EIF4G3: variants seen among roughly 807,000 people sequenced by gnomAD.
EIF4G3 encodes eukaryotic translation initiation factor 4 gamma 3, also known as eIF-4-gamma 3.
EIF4G3 carries 34 observed loss-of-function variants against 186.4 expected under a neutral mutation model. That is an observed-to-expected ratio of 0.18 (90% CI 0.14 to 0.24). EIF4G3 has a LOEUF of 0.24. Ranked by LOEUF, EIF4G3 falls within the 10% of genes least tolerant of loss-of-function variation. The pLI, the probability that EIF4G3 is intolerant of heterozygous loss-of-function variation, is 1.00. For missense variants in EIF4G3, 1,536 were observed against 1,948.5 expected, an observed-to-expected ratio of 0.79 and a Z score of 3.99; for synonymous variants, 673 against 679.5, an observed-to-expected ratio of 0.99 and a Z score of 0.15.
chr1:21,010,008 A>G (rs1346036754), intron 4 of EIF4G3, among the ~76,000 whole-genome samples: 1 of 152,176 alleles, frequency 6.6e-6, no homozygotes, highest in African/African-American at 2.4e-5. Flanking sequence ...TTCTGGGATA[A>G]TTATAAATGT....
intron 35 of EIF4G3, among the ~76,000 whole-genome samples, chr1:20,811,390 G>A (rs1416819688): frequency 6.6e-6 from 1 of 152,186 alleles, no homozygotes; most frequent in Non-Finnish European, 1.5e-5. Flanking sequence ...TGGGATTACA[G>A]GCATGAGCCA....
chr1:21,017,825 ACT>A (rs1557535232), intron 4 of EIF4G3, among the ~76,000 whole-genome samples: 1 of 151,632 alleles, frequency 6.6e-6, no homozygotes, highest in African/African-American at 2.4e-5. Context: ...GAAATCCAAA[ACT>A]CTTCTGGTCC....
intron 4 of EIF4G3, among the ~76,000 whole-genome samples, chr1:21,010,356 G>C (rs2086630174): frequency 6.7e-6 from 1 of 148,204 alleles, no homozygotes; most frequent in Admixed American, 7.0e-5. Flanking sequence ...GGAGGCGAAG[G>C]TTGCAGTAAG....
chr1:20,905,328 A>G (rs903526742), intron 14 of EIF4G3, among the ~76,000 whole-genome samples: 8 of 152,228 alleles, frequency 5.3e-5, no homozygotes, highest in African/African-American at 1.9e-4. Context: ...AACTTAAGCA[A>G]GTCACAGGTC....
intron 33 of EIF4G3, among the ~76,000 whole-genome samples, chr1:20,820,085 T>A (rs1467223345): frequency 6.6e-6 from 1 of 151,756 alleles, no homozygotes; most frequent in African/African-American, 2.4e-5. Flanking sequence ...ACCCAAACCA[T>A]AGCTGCGGAC....
chr1:20,894,967 C>T (rs942354840), intron 17 of EIF4G3, among the ~76,000 whole-genome samples: 2 of 152,082 alleles, frequency 1.3e-5, no homozygotes, highest in South Asian at 2.1e-4. Flanking sequence ...GTTTGATCTG[C>T]CAAATACCTT....
chr1:21,018,974 C>A (rs994023248), intron 4 of EIF4G3, among the ~76,000 whole-genome samples: 2 of 151,428 alleles, frequency 1.3e-5, no homozygotes, highest in Admixed American at 6.6e-5. Flanking sequence ...TCCTTTATAG[C>A]AAATGATCTC....
chr1:21,024,900 T>TAA (rs1421695930), intron 4 of EIF4G3, among the ~76,000 whole-genome samples: 1,358 of 111,510 alleles, frequency 0.012, 15 homozygotes, highest in Admixed American at 0.038. Context: ...AAAAATAAAT[T>TAA]TAAAAAAAAA....
At chr1:20,921,514 C>T (rs1042648301) in intron 14 of EIF4G3, among the ~76,000 whole-genome samples, 1 of 152,132 alleles carries the variant, frequency 6.6e-6, no homozygotes, top group African/African-American at 2.4e-5. Flanking sequence ...ATTTTAAGGT[C>T]ATGGATTATG....
chr1:20,968,882 A>C (rs1462827830), intron 12 of EIF4G3, among the ~76,000 whole-genome samples: 5 of 152,184 alleles, frequency 3.3e-5, no homozygotes. Context: ...AACAACCACG[A>C]ATTTTGGTAC....
rs543510915 is a variant in EIF4G3, at chr1:20,999,624, CAT to C, written c.144+1573_144+1574del. 298 of 391,440 alleles carry C rather than the reference CAT, an allele frequency of 7.6e-4. 1 individual carries two copies. The highest frequency in any genetic ancestry group is 5.1e-3 in the African/African-American group (238 of 46,862). The allele number at this position is 391,440 out of a possible 1,614,324, so 24.2% of individuals were successfully genotyped here. On this transcript the variant is annotated intron_variant, in intron 6 of 36. Coordinates refer to ENST00000602326, the MANE Select transcript of EIF4G3 (RefSeq NM_001391906.1). ...ACAAGAAGAGTATCTTATAAAATTA[CAT>C]ATATATAAAAACAAAAGCGAAAAAG...
chr1:20,874,459 C>T (rs899472734), intron 20 of EIF4G3, among the ~76,000 whole-genome samples: 11 of 152,154 alleles, frequency 7.2e-5, no homozygotes, highest in Middle Eastern at 3.4e-3. Flanking sequence ...TTGTTGGCCG[C>T]GTAAATGTCT....
chr1:21,053,243 A>T (rs1285268362), intron 3 of EIF4G3, among the ~76,000 whole-genome samples: 1 of 148,532 alleles, frequency 6.7e-6, no homozygotes, highest in Admixed American at 6.7e-5. Context: ...CCGTCTGAGA[A>T]GTGAGGAGAC....
At chr1:20,929,873 C>T (rs537463067) in intron 14 of EIF4G3, among the ~76,000 whole-genome samples, 1 of 152,196 alleles carries the variant, frequency 6.6e-6, no homozygotes, top group South Asian at 2.1e-4. Context: ...TAATCAAATA[C>T]ATGAAAAACT....
chr1:21,079,980 G>A (rs542069192), intron 3 of EIF4G3, among the ~76,000 whole-genome samples: 4 of 151,776 alleles, frequency 2.6e-5, no homozygotes, highest in South Asian at 2.1e-4. Context: ...GGTGAACCCC[G>A]TCACTACCAA....
intron 30 of EIF4G3, among the ~76,000 whole-genome samples, chr1:20,836,197 A>G (rs1391619289): frequency 1.3e-5 from 2 of 151,688 alleles, no homozygotes; most frequent in Non-Finnish European, 2.9e-5. Flanking sequence ...TGCCCAGGCT[A>G]GTCTCAAACT....
chr1:20,878,534 C>T (rs534153887), intron 20 of EIF4G3, among the ~76,000 whole-genome samples: 312 of 152,254 alleles, frequency 2.0e-3, no homozygotes, highest in Non-Finnish European at 3.3e-3. Context: ...GACTTACCTA[C>T]CTTTGACATA....
chr1:21,019,881 TCAAAACAAAA>T (rs898734115), intron 4 of EIF4G3, among the ~76,000 whole-genome samples: 3 of 151,966 alleles, frequency 2.0e-5, no homozygotes, highest in South Asian at 2.1e-4. Context: ...AGACGCCGTC[TCAAAACAAAA>T]CAAAACAAAA....
Position 20,860,746 on chromosome 1 carries a change from C to T in EIF4G3, c.3112-229G>A, listed in dbSNP as rs1571809852. Among the ~76,000 whole-genome samples, 3 of 151,998 alleles carry T rather than the reference C, an allele frequency of 2.0e-5. No individual in the cohort carries two copies. The South Asian group carries it at 6.2e-4, about 32-fold the overall frequency. ...AATTGTATACTACATATTCCAATAGCCAATGGATACAAAGAACAGGGTGAA... is the reference window on the plus strand; with the variant it reads ...AATTGTATACTACATATTCCAATAGTCAATGGATACAAAGAACAGGGTGAA... On this transcript the variant is annotated intron_variant, in intron 23 of 36. Transcript: ENST00000602326.
Sources: allele counts gnomAD v4.1 joint callset (sites outside exome capture counted in the v4.1 genomes callset), GRCh38; gene constraint gnomAD v4.1.1; transcripts MANE v1.5; gene names NCBI Gene and HGNC (gene_info 2026-07-23, HGNC 2026-07-21).